Variants in SHANK1 observed in about 807,000 individuals in gnomAD.
SHANK1 encodes the protein SH3 and multiple ankyrin repeat domains protein 1.
In SHANK1, 35 loss-of-function variants were observed where a neutral mutation model predicts 165.6. The ratio of observed to expected loss-of-function variants is 0.21; its 90% CI spans 0.16 to 0.28. SHANK1 has a LOEUF of 0.28. Ranked by LOEUF, SHANK1 falls within the 10% of genes least tolerant of loss-of-function variation. SHANK1 has a pLI of 1.00. For synonymous variants in SHANK1, 1,428 were observed against 1,384.8 expected (o/e 1.03, Z -0.69); for missense variants, 2,681 against 3,036.4 (o/e 0.88, Z 2.75).
intron 21 of SHANK1, among the ~76,000 whole-genome samples, chr19:50,681,023 G>A (rs1049243022): frequency 2.0e-5 from 3 of 152,004 alleles, no homozygotes; most frequent in African/African-American, 4.8e-5. Flanking sequence ...AAGAAGCCTC[G>A]GGGGGTACTG....
rs398034977 is a variant in SHANK1, at chr19:50,694,019, C to CCACACACACACA, written c.1964+3065_1964+3076dup. Among the ~76,000 whole-genome samples, 58 of 138,680 alleles carry CCACACACACACA rather than the reference C, an allele frequency of 4.2e-4. No homozygotes were observed. The East Asian group carries it at 7.8e-3, about 19-fold the overall frequency. 91.0% of individuals were successfully genotyped at this position (138,680 alleles called of 152,430 possible). A position where few individuals can be genotyped will look rare whatever the true frequency, so the allele number is the denominator to read the frequency against. On this transcript the variant is annotated intron_variant, in intron 15 of 23. Transcript: ENST00000293441. ...TGGGACAGACCCACTCCAGCACACACCACACACACACACACACACACACAC... is the reference window on the plus strand; with the variant it reads ...TGGGACAGACCCACTCCAGCACACACCACACACACACACACACACACACACACACACACACAC...
intron 5 of SHANK1, 75 bp downstream of exon 5, chr19:50,714,107 G>A: frequency 6.5e-7 from 1 of 1,536,838 alleles, no homozygotes; most frequent in South Asian, 1.2e-5. Context: ...AGGAATGGAT[G>A]TGAATGCAGA....
Position 50,697,810 on chromosome 19 carries a change from G to T in SHANK1, c.1861+33C>A. 6.4e-7 allele frequency: 1 copy of T among 1,570,594 alleles called. No homozygotes were observed. On this transcript the variant is annotated intron_variant, in intron 13 of 23. Coordinates refer to ENST00000293441, the MANE Select transcript of SHANK1 (RefSeq NM_016148.5). This position sits in a 1 kb window ranked among gnomAD's most constrained non-coding sequence, Gnocchi z 4.7. ...AAGGAGTGGACGTGGGAATCCTAGG[G>T]TCCATTGAACACTGCTGGGGGTTCC...
At chr19:50,693,587 G>A (rs1446743076) in intron 15 of SHANK1, among the ~76,000 whole-genome samples, 1 of 149,080 alleles carries the variant, frequency 6.7e-6, no homozygotes, top group East Asian at 2.0e-4. Flanking sequence ...CCACCCCAAC[G>A]TCCCTCTCAC....
rs368372946 is a variant in SHANK1, at chr19:50,716,816, C to A, written c.104G>T (p.Arg35Leu). Residue 35 changes from arginine to leucine, a missense_variant, in exon 2 of 24, where the codon CGA becomes CTA. Arg to Leu is a moderately radical substitution (Grantham distance 102, BLOSUM62 -2). Around this residue, in one of 10 missense-constraint regions of SHANK1, gnomAD observed 118 missense variants for 106.9 expected, o/e 1.10. Coordinates refer to ENST00000293441, the MANE Select transcript of SHANK1 (RefSeq NM_016148.5). The surrounding 1 kb of genome is among the most constrained non-coding windows in gnomAD (Gnocchi z 8.4). ...CTGGCCCCGGGTCCCCCGGGGGCCT[C>A]GACCTGGCCCGTCTGGGGAGCTGTC... is the stretch of plus-strand genomic sequence containing the variant. The part of the protein sequence containing the change: ...ESDSSPDGPG[R>L]GPRGTRGQGS... 1 of 1,578,304 alleles carries A rather than the reference C, an allele frequency of 6.3e-7. No individual in the cohort carries two copies. The highest frequency in any genetic ancestry group is 8.6e-7 in the Non-Finnish European group (1 of 1,165,926).
rs1489803152 is a variant in SHANK1 at position 50,668,413 on chromosome 19, T to TG, written c.3546dup (p.Thr1183HisfsTer67). 1.5e-6 allele frequency: 2 copies of TG among 1,305,342 alleles called. No homozygotes were observed. The highest frequency in any genetic ancestry group is 2.9e-5 in the South Asian group (1 of 34,478). 80.9% of individuals were successfully genotyped at this position (1,305,342 alleles called of 1,614,324 possible). ...CCGCCTCCCGTGGGCTCCGGCTGGG[T>TG]GGGGGGCTCCGCCTCGGTGCTGCTG... is the stretch of plus-strand genomic sequence containing the variant. On this transcript the variant is annotated frameshift_variant, in exon 23 of 24. Transcript: ENST00000293441. LOFTEE classifies it high-confidence loss of function.
Position 50,666,478 on chromosome 19 carries a change from G to C in SHANK1, c.5482C>G (p.Pro1828Ala). 6.2e-7 allele frequency: 1 copy of C among 1,600,514 alleles called. No homozygotes were observed. The change falls in exon 23 of 24, where the codon CCG (proline) becomes GCG (alanine). Residue 1828 changes from proline to alanine, a missense_variant. By Grantham distance (27) the Pro-to-Ala change is conservative (BLOSUM62 -1). This residue lies in a region of SHANK1 where 1,713 missense variants were observed against 1,630.2 expected (regional missense o/e 1.05). Coordinates refer to ENST00000293441, the MANE Select transcript of SHANK1 (RefSeq NM_016148.5). ...VEPEVPPVPLPTASSLPRKLL... is the reference protein window; with the variant it reads ...VEPEVPPVPLATASSLPRKLL... ...TTCCGGGGCAGAGAGGAGGCCGTCGGCAAGGGCACCGGTGGGACTTCTGGC... is the reference window on the plus strand; with the variant it reads ...TTCCGGGGCAGAGAGGAGGCCGTCGCCAAGGGCACCGGTGGGACTTCTGGC...
rs1305315279 is a variant in SHANK1 at position 50,666,025 on chromosome 19, A to G, written c.5768+167T>C. ...AAACTCCCTCTCAAGAAAAGAAAAG[A>G]AAAAAAAAAAAAGAAAAAGAAAATA... is the stretch of plus-strand genomic sequence containing the variant. On this transcript the variant is annotated intron_variant, in intron 23 of 23. Coordinates refer to ENST00000293441, the MANE Select transcript of SHANK1 (RefSeq NM_016148.5). Among the ~76,000 whole-genome samples the G allele has an allele frequency of 3.7e-5, 5 of 136,508 alleles. No homozygotes were observed. In the South Asian group the frequency reaches 1.1e-3, roughly 31 times the overall value. The allele number at this position is 136,508 out of a possible 152,430, so 89.6% of individuals were successfully genotyped here.
chr19:50,689,417 C>CT (rs779447819), intron 15 of SHANK1, 138 bp from the exon 16 acceptor site: 1 of 732,848 alleles, frequency 1.4e-6, no homozygotes, highest in Non-Finnish European at 2.5e-6. Context: ...CCTAGGATCT[C>CT]TGTCACCCAC....
At chr19:50,706,048 A>G (rs1396627998) in intron 8 of SHANK1, among the ~76,000 whole-genome samples, 2 of 151,606 alleles carry the variant, frequency 1.3e-5, no homozygotes, top group Non-Finnish European at 2.9e-5. Context: ...AGTCCCAACT[A>G]CTTGTGGGGC....
intron 23 of SHANK1, among the ~76,000 whole-genome samples, chr19:50,665,214 C>T (rs1468930886): frequency 2.0e-5 from 3 of 152,060 alleles, no homozygotes; most frequent in Non-Finnish European, 4.4e-5. Flanking sequence ...TCACTTAAGC[C>T]CAGGAGTTTG....
At position 50,668,116 on chromosome 19, in the gene SHANK1, G is replaced by A. The variant is rs1008802740; in HGVS notation, c.3844C>T (p.Leu1282=). The A allele has an allele frequency of 2.0e-6, 3 of 1,476,230 alleles. No homozygotes were observed. The highest frequency in any genetic ancestry group is 2.6e-5 in the South Asian group (2 of 77,720). 91.4% of individuals were successfully genotyped at this position (1,476,230 alleles called of 1,614,324 possible). Residue 1282 remains leucine, a synonymous_variant, in exon 23 of 24, where the codon CTG becomes TTG. Coordinates refer to ENST00000293441, the MANE Select transcript of SHANK1 (RefSeq NM_016148.5). ...LGTGAAPGPR[L]RHSKSIDEGM... ...TCGTCGATGGATTTGGAGTGGCGCA[G>A]CCGCGGGCCCGGGGCCGCCCCTGTG...
At position 50,688,274 on chromosome 19, in the gene SHANK1, C is replaced by G. The variant is rs1393370532; in HGVS notation, c.2173-216G>C. On this transcript the variant is annotated intron_variant, in intron 17 of 23. Coordinates refer to ENST00000293441, the MANE Select transcript of SHANK1 (RefSeq NM_016148.5). The surrounding 1 kb of genome is among the most constrained non-coding windows in gnomAD (Gnocchi z 6.7). ...GGTTGGGGGAGAGGCTCAGCCTACC[C>G]TATTCACTTCCCCCTCCCTCCTTGT... is the stretch of plus-strand genomic sequence containing the variant. Among the ~76,000 whole-genome samples the G allele has an allele frequency of 6.6e-6, 1 of 152,146 alleles. No individual in the cohort carries two copies. Among genetic ancestry groups the G allele is most frequent in the African/African-American group, 2.4e-5 (1 of 41,440 alleles).
In SHANK1 at chr19:50,668,182, T is replaced by C. The variant is rs1482689090; in HGVS notation, c.3778A>G (p.Thr1260Ala). 2 of 1,487,606 alleles carry C rather than the reference T, an allele frequency of 1.3e-6. No individual in the cohort carries two copies. The highest frequency in any genetic ancestry group is 8.9e-7 in the Non-Finnish European group (1 of 1,129,832). 92.2% of individuals were successfully genotyped at this position (1,487,606 alleles called of 1,614,324 possible). A position where few individuals can be genotyped will look rare whatever the true frequency, so the allele number is the denominator to read the frequency against. ...CCGCCGTCCTCGTCCCCCGCGTCGG[T>C]GGACAGGAACAGCGTGGAGCGCCGG... ...ARRRSTLFLS[T>A]DAGDEDGGDG... The change falls in exon 23 of 24, where the codon ACC (threonine) becomes GCC (alanine). Residue 1260 changes from threonine to alanine, a missense_variant. This residue lies in a region of SHANK1 where 1,713 missense variants were observed against 1,630.2 expected (regional missense o/e 1.05). Transcript: ENST00000293441.
rs1190096063 is a variant in SHANK1 at position 50,687,589 on chromosome 19, C to T, written c.2382G>A (p.Glu794=). ...GCAGCCCCGCAGGCTCACCCATCTC[C>T]TCCAGCTCTGAGGTCATAGATTTGG... ...LRSKSMTSEL[E]EMEYEQQPAP... is the part of the protein sequence containing the mutation. The change falls in exon 19 of 24, where the codon GAG becomes GAA. Residue 794 remains glutamate (E), a synonymous_variant. Transcript: ENST00000293441. 1 of 1,548,344 alleles carries T rather than the reference C, an allele frequency of 6.5e-7. No homozygotes were observed. Among genetic ancestry groups the T allele is most frequent in the Non-Finnish European group, 8.7e-7 (1 of 1,145,650 alleles).
Position 50,686,470 on chromosome 19 carries a change from G to T in SHANK1, c.2459-115C>A. On this transcript the variant is annotated intron_variant, in intron 20 of 23. Coordinates refer to ENST00000293441, the MANE Select transcript of SHANK1 (RefSeq NM_016148.5). The surrounding 1 kb of genome is among the most constrained non-coding windows in gnomAD (Gnocchi z 5.7). ...GTTCATCCAGCACCTGGATCAACCAGGAAAGGGCAGCCCTGCCTGGGTCCG... is the reference window on the plus strand; with the variant it reads ...GTTCATCCAGCACCTGGATCAACCATGAAAGGGCAGCCCTGCCTGGGTCCG... 1.2e-6 allele frequency: 1 copy of T among 825,644 alleles called. No homozygotes were observed. The highest frequency in any genetic ancestry group is 2.0e-6 in the Non-Finnish European group (1 of 512,196). 51.1% of individuals were successfully genotyped at this position (825,644 alleles called of 1,614,324 possible).
Position 50,688,147 on chromosome 19 carries a change from G to T in SHANK1, c.2173-89C>A. The T allele has an allele frequency of 1.3e-6, 2 of 1,501,082 alleles. No homozygotes were observed. The allele number at this position is 1,501,082 out of a possible 1,614,324, so 93.0% of individuals were successfully genotyped here. On this transcript the variant is annotated intron_variant, in intron 17 of 23. Transcript: ENST00000293441. The surrounding 1 kb of genome is among the most constrained non-coding windows in gnomAD (Gnocchi z 6.7). ...AGACCCCAAGGAGGATGCCTCCTGC[G>T]CTGCCCTGTCCATGGCCCTCTGGGC...
rs1447422552 is a variant in SHANK1 at position 50,661,666 on chromosome 19, C to T, written c.*299G>A. 6.6e-6 allele frequency among the ~76,000 whole-genome samples: 1 copy of T among 151,986 alleles called. No homozygotes were observed. On this transcript the variant is annotated 3_prime_UTR_variant, in exon 24 of 24. Coordinates refer to ENST00000293441, the MANE Select transcript of SHANK1 (RefSeq NM_016148.5). ...CCTCTATGGCTCTGTCTATCCCCTCCCCCCAGAATAGGCCCTTCCCTCCTT... is the reference window on the plus strand; with the variant it reads ...CCTCTATGGCTCTGTCTATCCCCTCTCCCCAGAATAGGCCCTTCCCTCCTT...
rs1264370723 is a variant in SHANK1 at position 50,668,241 on chromosome 19, G to A, written c.3719C>T (p.Ala1240Val). 1.4e-6 allele frequency: 2 copies of A among 1,459,728 alleles called. No individual in the cohort carries two copies. The highest frequency in any genetic ancestry group is 5.5e-5 in the Admixed American group (2 of 36,282). The allele number at this position is 1,459,728 out of a possible 1,614,324, so 90.4% of individuals were successfully genotyped here. ...ATTCTGCCAGCCCCCCTCCCTCCGG[G>A]CCGCCCCCACCAGGGCGGCCCCGAA... ...SQFGAALVGA[A>V]RREGGWQNEA... Residue 1240 changes from alanine to valine, a missense_variant, in exon 23 of 24, where the codon GCC becomes GTC. Transcript: ENST00000293441.
Sources: gnomAD v4.1 joint callset for allele counts (sites outside exome capture counted in the v4.1 genomes callset) on GRCh38, gnomAD v4.1.1 for gene constraint, gnomAD v4.1.1 regional missense constraint, Gnocchi (gnomAD v3.1) non-coding constraint, MANE v1.5 for transcripts, NCBI Gene and HGNC (gene_info 2026-07-23, HGNC 2026-07-21) for gene names.